Variants in ITGA8 observed in about 807,000 individuals in gnomAD.
The protein encoded by ITGA8 is integrin alpha-8.
Under a neutral mutation model 142.3 loss-of-function variants are expected in ITGA8, and 91 were observed. The observed-to-expected ratio is 0.64, with a 90% CI of 0.54 to 0.76. The LOEUF (loss-of-function observed/expected upper bound fraction) is 0.76, where lower values mean the gene tolerates loss of function less well. ITGA8 is among the 30% of genes least tolerant of loss of function. ITGA8 has a pLI of 0.00. For missense variants in ITGA8, 1,406 were observed against 1,327.7 expected (o/e 1.06, Z -0.92); for synonymous variants, 505 against 485.2 (o/e 1.04, Z -0.54).
At chr10:15,570,033 A>G (rs1834149686) in intron 25 of ITGA8, among the ~76,000 whole-genome samples, 1 of 152,236 alleles carries the variant, frequency 6.6e-6, no homozygotes, top group African/African-American at 2.4e-5. Flanking sequence ...AATGTCTATT[A>G]ATAAAAGCTC....
intron 11 of ITGA8, among the ~76,000 whole-genome samples, chr10:15,650,749 T>C (rs562601574): frequency 1.3e-5 from 2 of 152,328 alleles, no homozygotes; most frequent in East Asian, 1.9e-4. Context: ...TACACTTCCA[T>C]GCTAATGCTC....
At chr10:15,623,349 C>A (rs1833527349) in intron 13 of ITGA8, among the ~76,000 whole-genome samples, 1 of 152,050 alleles carries the variant, frequency 6.6e-6, no homozygotes, top group South Asian at 2.1e-4. Context: ...TCTAGGTGCA[C>A]AACTACATGC....
intron 13 of ITGA8, among the ~76,000 whole-genome samples, chr10:15,618,162 C>G (rs189589863): frequency 1.8e-4 from 27 of 152,162 alleles, no homozygotes; most frequent in Admixed American, 7.2e-4. Context: ...ATGCTAGAAG[C>G]CTAAACCCCT....
At chr10:15,531,291 T>C (rs1833287395) in intron 27 of ITGA8, 140 bp from the exon 28 acceptor site, 2 of 456,918 alleles carry the variant, frequency 4.4e-6, no homozygotes, top group Admixed American at 4.4e-5. Context: ...TCTTTTAACT[T>C]TTTTTTCCTC....
At chr10:15,713,697 T>A (rs1001540881) in intron 2 of ITGA8, among the ~76,000 whole-genome samples, 1 of 152,110 alleles carries the variant, frequency 6.6e-6, no homozygotes, top group African/African-American at 2.4e-5. Flanking sequence ...CAGAACCAGA[T>A]GCTTTAAGCT....
Position 15,708,371 on chromosome 10 carries a change from TGAAAA to T in ITGA8, c.343+10390_343+10394del, listed in dbSNP as rs1443736618. On this transcript the variant is annotated intron_variant, in intron 2 of 29. Coordinates refer to ENST00000378076, the MANE Select transcript of ITGA8 (RefSeq NM_003638.3). ...ATAATCTATCACAGGAATAGAGAAA[TGAAAA>T]GAAAAGAGAAAAAAAATTTCCAGTG... is the stretch of plus-strand genomic sequence containing the variant. 2.0e-5 allele frequency among the ~76,000 whole-genome samples: 3 copies of T among 152,040 alleles called. No homozygotes were observed. In the East Asian group the frequency reaches 5.8e-4, roughly 29 times the overall value.
chr10:15,604,787 G>A (rs1833165054), intron 19 of ITGA8, among the ~76,000 whole-genome samples: 1 of 151,990 alleles, frequency 6.6e-6, no homozygotes, highest in East Asian at 1.9e-4. Context: ...AATGGGCAAT[G>A]GAATAAAAGG....
intron 2 of ITGA8, among the ~76,000 whole-genome samples, chr10:15,702,140 G>C (rs1210853566): frequency 4.6e-5 from 7 of 152,070 alleles, no homozygotes; most frequent in African/African-American, 1.7e-4. Flanking sequence ...CGATGTTCGA[G>C]AGATGTGTTA....
intron 2 of ITGA8, among the ~76,000 whole-genome samples, chr10:15,711,768 C>T (rs969656588): frequency 5.3e-5 from 8 of 152,028 alleles, no homozygotes; most frequent in African/African-American, 1.7e-4. Context: ...CTTAATTTTA[C>T]CCCCCAAAAA....
At chr10:15,699,883 T>A (rs898853920) in intron 2 of ITGA8, among the ~76,000 whole-genome samples, 7 of 152,230 alleles carry the variant, frequency 4.6e-5, no homozygotes, top group African/African-American at 1.7e-4. Context: ...CTCATTTTGT[T>A]TTCATTTGCA....
rs1191527526 is a variant in ITGA8, at chr10:15,718,905, A to T, written c.210-6T>A. The T allele has an allele frequency of 1.1e-5, 17 of 1,613,882 alleles. No homozygotes were observed. In the Admixed American group the frequency reaches 2.8e-4, roughly 27 times the overall value. On this transcript the variant is annotated splice_region_variant and splice_polypyrimidine_tract_variant and intron_variant, in intron 1 of 29. Coordinates refer to ENST00000378076, the MANE Select transcript of ITGA8 (RefSeq NM_003638.3). ...CCCCCACCAAGACACTCGCTCTGCA[A>T]AAGAGTTGGAGAAAGTCACTCTTTG...
chr10:15,718,671 C>G lies in ITGA8; in HGVS notation c.343+95G>C, dbSNP rs2298031. 243,994 of 1,481,448 alleles carry G rather than the reference C, an allele frequency of 0.16. 21,156 individuals are homozygous for G. Among genetic ancestry groups the G allele is most frequent in the South Asian group, 0.22 (18,387 of 82,124 alleles). The allele number at this position is 1,481,448 out of a possible 1,614,324, so 91.8% of individuals were successfully genotyped here. Reference sequence around the variant, plus strand: ...ATACGGACATATCAGACAAGCTAAACGAGCAGCACACCAAGACAGCGGGAA... The same window carrying G: ...ATACGGACATATCAGACAAGCTAAAGGAGCAGCACACCAAGACAGCGGGAA... On this transcript the variant is annotated intron_variant, in intron 2 of 29. Transcript: ENST00000378076.
intron 20 of ITGA8, among the ~76,000 whole-genome samples, chr10:15,603,337 G>C (rs1360451158): frequency 6.6e-6 from 1 of 152,050 alleles, no homozygotes; most frequent in African/African-American, 2.4e-5. Context: ...CAGGGGGTGT[G>C]GTATTTGGAA....
chr10:15,703,116 G>A lies in ITGA8; in HGVS notation c.344-15078C>T, dbSNP rs150334722. Among the ~76,000 whole-genome samples, 127 of 152,278 alleles carry A rather than the reference G, an allele frequency of 8.3e-4. 1 individual carries two copies. The highest frequency in any genetic ancestry group is 2.9e-3 in the African/African-American group (122 of 41,558). ...GAATACTATAATAACAAAGCTAAGTGAGCTAAATGCATGCTTTTAGAGTTT... is the reference window on the plus strand; with the variant it reads ...GAATACTATAATAACAAAGCTAAGTAAGCTAAATGCATGCTTTTAGAGTTT... On this transcript the variant is annotated intron_variant, in intron 2 of 29. Transcript: ENST00000378076.
At chr10:15,538,953 G>GTTT (rs367805176) in intron 27 of ITGA8, among the ~76,000 whole-genome samples, 87 of 132,182 alleles carry the variant, frequency 6.6e-4, no homozygotes, top group African/African-American at 2.3e-3. Flanking sequence ...TCAGGTAAAG[G>GTTT]TTTTTTTTTT....
chr10:15,517,025 T>C lies in ITGA8; in HGVS notation c.*133A>G. On this transcript the variant is annotated 3_prime_UTR_variant, in exon 30 of 30. Coordinates refer to ENST00000378076, the MANE Select transcript of ITGA8 (RefSeq NM_003638.3). ...CCAAAGTGCGGTGTAGATGAGGTGA[T>C]GTTTCCAGGGTCCCCTCCATTTCCT... 2.1e-6 allele frequency: 1 copy of C among 468,376 alleles called. No individual in the cohort carries two copies. The highest frequency in any genetic ancestry group is 3.6e-6 in the Non-Finnish European group (1 of 278,038). 29.0% of individuals were successfully genotyped at this position (468,376 alleles called of 1,614,324 possible).
intron 24 of ITGA8, among the ~76,000 whole-genome samples, chr10:15,573,497 T>A (rs1335465103): frequency 6.6e-6 from 1 of 152,048 alleles, no homozygotes; most frequent in African/African-American, 2.4e-5. Flanking sequence ...CAAAAGAGCT[T>A]AAGGCAAAGC....
intron 2 of ITGA8, among the ~76,000 whole-genome samples, chr10:15,704,910 T>G (rs1835229487): frequency 6.6e-6 from 1 of 152,200 alleles, no homozygotes; most frequent in African/African-American, 2.4e-5. Flanking sequence ...GTCTTATATT[T>G]CTAAGAATCT....
chr10:15,642,437 T>C (rs1276767773), intron 13 of ITGA8, among the ~76,000 whole-genome samples: 1 of 152,186 alleles, frequency 6.6e-6, no homozygotes, highest in Non-Finnish European at 1.5e-5. Context: ...CCATAATAAA[T>C]AGCAGTAACT....
Sources: gnomAD v4.1 joint callset for allele counts (sites outside exome capture counted in the v4.1 genomes callset) on GRCh38, gnomAD v4.1.1 for gene constraint, MANE v1.5 for transcripts, NCBI Gene and HGNC (gene_info 2026-07-23, HGNC 2026-07-21) for gene names.